Variants in SVIL observed in about 807,000 individuals in gnomAD.
SVIL encodes supervillin.
In SVIL, 101 loss-of-function variants were observed where a neutral mutation model predicts 240.4. The observed-to-expected ratio is 0.42, with a 90% CI of 0.36 to 0.50. The LOEUF is 0.50. Ranked by LOEUF, SVIL falls within the 20% of genes least tolerant of loss-of-function variation. SVIL has a pLI of 0.01. For synonymous variants in SVIL, 999 were observed against 1,100.0 expected, an observed-to-expected ratio of 0.91 and a Z score of 1.82; for missense variants, 2,512 against 2,818.7, an observed-to-expected ratio of 0.89 and a Z score of 2.46.
intron 1 of SVIL, among the ~76,000 whole-genome samples, chr10:29,721,807 A>C (rs1483592511): frequency 1.3e-5 from 2 of 152,246 alleles, no homozygotes; most frequent in Non-Finnish European, 2.9e-5. Flanking sequence ...ACTAATAAGC[A>C]GTCCATATCC....
intron 1 of SVIL, among the ~76,000 whole-genome samples, chr10:29,695,980 C>G (rs1435063086): frequency 1.4e-5 from 2 of 147,102 alleles, no homozygotes; most frequent in African/African-American, 5.0e-5. Flanking sequence ...CTCTCCTTTC[C>G]ACGGTTTCCC....
chr10:29,517,860 G>T (rs1035031125), intron 16 of SVIL, among the ~76,000 whole-genome samples: 14 of 152,128 alleles, frequency 9.2e-5, no homozygotes, highest in African/African-American at 3.1e-4. Context: ...ATTTCTAAAG[G>T]CCTAACATAC....
intron 1 of SVIL, among the ~76,000 whole-genome samples, chr10:29,703,606 C>T (rs372992460): frequency 5.9e-5 from 9 of 152,320 alleles, no homozygotes; most frequent in African/African-American, 2.2e-4. Flanking sequence ...ACTCGTGGAA[C>T]CAGCAGGCAG....
chr10:29,647,742 A>G (rs1958707365), intron 3 of SVIL, among the ~76,000 whole-genome samples: 1 of 151,986 alleles, frequency 6.6e-6, no homozygotes, highest in Non-Finnish European at 1.5e-5. Flanking sequence ...TTCTGTGGTA[A>G]ATTTTATTTT....
intron 17 of SVIL, among the ~76,000 whole-genome samples, chr10:29,509,330 G>GGGGGGAGA (rs1949620403): frequency 1.5e-5 from 1 of 66,880 alleles, no homozygotes; most frequent in African/African-American, 4.9e-5. Context: ...GGAGGGGGAG[G>GGGGGGAGA]GAGAGAGAGA....
upstream of SVIL, among the ~76,000 whole-genome samples, chr10:29,638,694 C>T (rs150985116): frequency 1.6e-3 from 240 of 151,972 alleles, 6 homozygotes; most frequent in South Asian, 0.034. Context: ...AAAGTTAATC[C>T]GAAAGTAAAA....
rs1564568214 is a variant in SVIL at position 29,523,642 on chromosome 10, G to T, written c.2972C>A (p.Ser991Tyr). 3.7e-6 allele frequency: 6 copies of T among 1,614,032 alleles called. No homozygotes were observed. Among genetic ancestry groups the T allele is most frequent in the Non-Finnish European group, 5.1e-6 (6 of 1,180,026 alleles). The part of the protein sequence containing the change: ...RAREGDSHKE[S>Y]KYAVPRRGSL... ...TCCTCTTCTGGGAACAGCATATTTA[G>T]ATTCCTTATGGCTGTCTCCTTCCCT... is the stretch of plus-strand genomic sequence containing the variant. Residue 991 changes from serine (S) to tyrosine (Y), a missense_variant, in exon 15 of 38, where the codon TCT becomes TAT. Physicochemically the swap from Ser to Tyr is moderately radical, Grantham distance 144. Coordinates refer to ENST00000355867, the MANE Select transcript of SVIL (RefSeq NM_021738.3).
intron 1 of SVIL, among the ~76,000 whole-genome samples, chr10:29,716,018 T>C (rs1403750176): frequency 1.8e-4 from 27 of 152,360 alleles, no homozygotes; most frequent in Non-Finnish European, 1.9e-4. Context: ...ATGCATTGCT[T>C]TGGTAGAACT....
At chr10:29,637,161 T>C (rs909901239), upstream of SVIL, among the ~76,000 whole-genome samples, 1 of 152,086 alleles carries the variant, frequency 6.6e-6, no homozygotes, top group African/African-American at 2.4e-5. Context: ...GTACAGGCCC[T>C]AGAATAGCTA....
chr10:29,536,522 G>C (rs1951752451), intron 6 of SVIL, among the ~76,000 whole-genome samples: 1 of 152,146 alleles, frequency 6.6e-6, no homozygotes, highest in African/African-American at 2.4e-5. Flanking sequence ...GAGTTTCCAG[G>C]ACATGTGGCT....
chr10:29,542,840 G>A (rs1224714857), intron 6 of SVIL, among the ~76,000 whole-genome samples: 1 of 152,184 alleles, frequency 6.6e-6, no homozygotes, highest in African/African-American at 2.4e-5. Context: ...TGCCTGTGAA[G>A]TGGCATCTGT....
In SVIL at chr10:29,512,806, T is replaced by A. The variant is rs1291161645; in HGVS notation, c.3445A>T (p.Arg1149Trp). The A allele has an allele frequency of 6.2e-7, 1 of 1,613,062 alleles. No homozygotes were observed. Among genetic ancestry groups the A allele is most frequent in the East Asian group, 2.2e-5 (1 of 44,882 alleles). ...GCCGGCGCCTTGCCGCCCTCCTGCC[T>A]CCTGCTGAGTCTGTTTCTCCAATCT... is the stretch of plus-strand genomic sequence containing the variant. ...EEDWRNRLSR[R>W]QEGGKAPASS... Residue 1149 changes from arginine to tryptophan, a missense_variant, in exon 17 of 38, where the codon AGG becomes TGG. Physicochemically the swap from Arg to Trp is moderately radical, Grantham distance 101 (BLOSUM62 -3). Around this residue, in one of 3 missense-constraint regions of SVIL, gnomAD observed 1,443 missense variants for 1,486.6 expected, o/e 0.97. Coordinates refer to ENST00000355867, the MANE Select transcript of SVIL (RefSeq NM_021738.3).
chr10:29,526,299 C>T (rs1589116402), intron 13 of SVIL, among the ~76,000 whole-genome samples: 11 of 136,780 alleles, frequency 8.0e-5, no homozygotes, highest in African/African-American at 1.6e-4. Context: ...TTCTTTTTTT[C>T]TCTTTCTTTT....
chr10:29,710,466 T>G (rs1963200463), intron 1 of SVIL, among the ~76,000 whole-genome samples: 1 of 152,226 alleles, frequency 6.6e-6, no homozygotes, highest in Admixed American at 6.5e-5. Context: ...GATTTTTGTG[T>G]GAAGAGAACC....
chr10:29,674,391 A>G (rs930350570), intron 2 of SVIL, among the ~76,000 whole-genome samples: 1 of 152,170 alleles, frequency 6.6e-6, no homozygotes, highest in Non-Finnish European at 1.5e-5. Context: ...AGATTCATTC[A>G]TTCAAAAAGG....
intron 35 of SVIL, among the ~76,000 whole-genome samples, chr10:29,463,157 C>G (rs1011888224): frequency 1.3e-5 from 2 of 152,242 alleles, no homozygotes; most frequent in Non-Finnish European, 2.9e-5. Flanking sequence ...GCCAACTTGT[C>G]TCTCAGCATG....
intron 2 of SVIL, among the ~76,000 whole-genome samples, chr10:29,568,229 T>TTCAA (rs1955148954): frequency 6.6e-6 from 1 of 151,452 alleles, no homozygotes; most frequent in Non-Finnish European, 1.5e-5. Flanking sequence ...TGTGTAAAAA[T>TTCAA]TAAAGCATAA....
chr10:29,676,021 C>T (rs1438580368), intron 2 of SVIL, among the ~76,000 whole-genome samples: 1 of 152,130 alleles, frequency 6.6e-6, no homozygotes, highest in Admixed American at 6.5e-5. Flanking sequence ...ACACCAGACC[C>T]CTCACCCATC....
At chr10:29,630,229 G>A (rs921672266) in intron 1 of SVIL, among the ~76,000 whole-genome samples, 66 of 152,280 alleles carry the variant, frequency 4.3e-4, no homozygotes, top group African/African-American at 1.6e-3. Flanking sequence ...CAAAAATATG[G>A]ACTGAAATGA....
Sources: gnomAD v4.1 joint callset for allele counts (sites outside exome capture counted in the v4.1 genomes callset) on GRCh38, gnomAD v4.1.1 for gene constraint, gnomAD v4.1.1 regional missense constraint, MANE v1.5 for transcripts, NCBI Gene and HGNC (gene_info 2026-07-23, HGNC 2026-07-21) for gene names.